CEP135: variants seen among roughly 807,000 people sequenced by gnomAD.
CEP135 encodes centrosomal protein of 135 kDa.
A neutral mutation model predicts 157.3 loss-of-function variants in CEP135; 142 were observed. The ratio of observed to expected loss-of-function variants is 0.90; its 90% confidence interval spans 0.79 to 1.04. CEP135 has a LOEUF of 1.04. CEP135 is among the 50% of genes least tolerant of loss of function. The pLI, the probability that CEP135 is intolerant of heterozygous loss-of-function variation, is 0.00. For synonymous variants in CEP135, 396 were observed against 439.8 expected, an observed-to-expected ratio of 0.90 and a Z score of 1.25; for missense variants, 1,317 against 1,309.2, an observed-to-expected ratio of 1.01 and a Z score of -0.09.
chr4:56,010,972 G>T (rs180691257), intron 19 of CEP135, among the ~76,000 whole-genome samples: 7 of 152,068 alleles, frequency 4.6e-5, no homozygotes, highest in African/African-American at 1.7e-4. Flanking sequence ...GGTAGCTCAC[G>T]CCTATAATCC....
intron 15 of CEP135, among the ~76,000 whole-genome samples, chr4:55,998,270 C>A (rs1730045166): frequency 6.6e-6 from 1 of 152,168 alleles, no homozygotes; most frequent in Non-Finnish European, 1.5e-5. Context: ...GTCTTTTCAG[C>A]AAGGCAGGAT....
At chr4:55,987,222 T>G (rs1486115045) in intron 14 of CEP135, among the ~76,000 whole-genome samples, 1 of 152,208 alleles carries the variant, frequency 6.6e-6, no homozygotes, top group East Asian at 1.9e-4. Context: ...GCACAGGAAC[T>G]TTTCCTGGCC....
chr4:55,983,292 T>A (rs1386083472), intron 13 of CEP135, among the ~76,000 whole-genome samples: 1 of 152,228 alleles, frequency 6.6e-6, no homozygotes, highest in Non-Finnish European at 1.5e-5. Flanking sequence ...TACTGAAAAC[T>A]TGGAAAAAGC....
At chr4:56,025,234 GC>G (rs1731117506) in intron 25 of CEP135, among the ~76,000 whole-genome samples, 1 of 152,146 alleles carries the variant, frequency 6.6e-6, no homozygotes, top group Non-Finnish European at 1.5e-5. Flanking sequence ...TCCCACCTCA[GC>G]CTCTTGAGTA....
At chr4:55,972,022 C>T (rs1033599985) in intron 10 of CEP135, among the ~76,000 whole-genome samples, 2 of 152,010 alleles carry the variant, frequency 1.3e-5, no homozygotes, top group Non-Finnish European at 2.9e-5. Flanking sequence ...TGGTGGCATG[C>T]GACTGTAATC....
rs892885030 is a variant in CEP135, at chr4:56,032,457, A to T, written c.*1109A>T. 6.6e-6 allele frequency: 1 copy of T among 152,048 alleles called. No individual in the cohort carries two copies. Among genetic ancestry groups the T allele is most frequent in the Non-Finnish European group, 1.5e-5 (1 of 68,014 alleles). The allele number at this position is 152,048 out of a possible 1,614,324, so 9.4% of individuals were successfully genotyped here. A position where few individuals can be genotyped will look rare whatever the true frequency, so the allele number is the denominator to read the frequency against. ...AACACTCTGTCTCAGAAAAAAAAAAAAAGAAAAATATATGGGGTAAATACA... is the reference window on the plus strand; with the variant it reads ...AACACTCTGTCTCAGAAAAAAAAAATAAGAAAAATATATGGGGTAAATACA... On this transcript the variant is annotated 3_prime_UTR_variant, in exon 26 of 26. Coordinates refer to ENST00000257287, the MANE Select transcript of CEP135 (RefSeq NM_025009.5).
Position 56,017,651 on chromosome 4 carries a change from A to C in CEP135, c.2806A>C (p.Ile936Leu). 1 of 1,591,230 alleles carries C rather than the reference A, an allele frequency of 6.3e-7. No individual in the cohort carries two copies. The highest frequency in any genetic ancestry group is 8.5e-7 in the Non-Finnish European group (1 of 1,170,230). ...TTGTTTCTTTTTCTTTTTTCAGCACATAAATGCCCATCATGCTTATGAATC... is the reference window on the plus strand; with the variant it reads ...TTGTTTCTTTTTCTTTTTTCAGCACCTAAATGCCCATCATGCTTATGAATC... ...ELLEKEIQEH[I>L]NAHHAYESQI... Residue 936 changes from isoleucine to leucine, a missense_variant, in exon 22 of 26, where the codon ATA (isoleucine) becomes CTA (leucine). Transcript: ENST00000257287.
At chr4:56,006,398 G>A (rs915989979) in intron 17 of CEP135, among the ~76,000 whole-genome samples, 1 of 152,108 alleles carries the variant, frequency 6.6e-6, no homozygotes, top group Admixed American at 6.5e-5. Context: ...CTCAGGAAAT[G>A]TATTTCTCAA....
At position 55,954,260 on chromosome 4, in the gene CEP135, C is replaced by A. The variant is rs1455228062; in HGVS notation, c.349C>A (p.Leu117Met). 2 of 1,604,998 alleles carry A rather than the reference C, an allele frequency of 1.2e-6. No homozygotes were observed. Among genetic ancestry groups the A allele is most frequent in the Non-Finnish European group, 8.5e-7 (1 of 1,176,200 alleles). Residue 117 changes from leucine to methionine, a missense_variant, in exon 4 of 26, where the codon CTG becomes ATG. Coordinates refer to ENST00000257287, the MANE Select transcript of CEP135 (RefSeq NM_025009.5). ...LKKCARETAD[L>M]KFLNNQYAHK... The stretch of plus-strand genomic sequence containing the variant: ...GAAATGTGCACGTGAAACAGCTGAT[C>A]TGAAATTTCTGAATAACCAATATGC...
intron 17 of CEP135, among the ~76,000 whole-genome samples, chr4:56,001,957 T>G (rs2109717374): frequency 6.6e-6 from 1 of 152,254 alleles, no homozygotes; most frequent in South Asian, 2.1e-4. Context: ...TGTATAGATC[T>G]TGCATATATT....
rs948509274 is a variant in CEP135 at position 56,032,807 on chromosome 4, T to G, written c.*1459T>G. On this transcript the variant is annotated 3_prime_UTR_variant, in exon 26 of 26. Transcript: ENST00000257287. The stretch of plus-strand genomic sequence containing the variant: ...ATAGGAAAGTGAATGATCAGTTACT[T>G]ATGATATATTTTGTTTCCTCTTGTG... 5 of 152,044 alleles carry G rather than the reference T, an allele frequency of 3.3e-5. No homozygotes were observed. Among genetic ancestry groups the G allele is most frequent in the Non-Finnish European group, 7.4e-5 (5 of 68,024 alleles). The allele number at this position is 152,044 out of a possible 1,614,324, so 9.4% of individuals were successfully genotyped here.
chr4:56,009,989 C>A (rs1730515200), intron 19 of CEP135, 86 bp downstream of exon 19: 1 of 1,287,108 alleles, frequency 7.8e-7, no homozygotes, highest in African/African-American at 1.5e-5. Context: ...TTTCTAAAAT[C>A]TGATGATATA....
chr4:56,024,207 C>G (rs753090634), intron 24 of CEP135, among the ~76,000 whole-genome samples: 1 of 147,386 alleles, frequency 6.8e-6, no homozygotes, highest in Non-Finnish European at 1.5e-5. Context: ...TTTTAAGTAG[C>G]GGATAAAAGA....
rs901148460 is a variant in CEP135, at chr4:55,957,449, G to A, written c.614+85G>A. 11 of 1,264,138 alleles carry A rather than the reference G, an allele frequency of 8.7e-6. No individual in the cohort carries two copies. In the African/African-American group the frequency reaches 1.5e-4, roughly 17 times the overall value. The allele number at this position is 1,264,138 out of a possible 1,614,324, so 78.3% of individuals were successfully genotyped here. A position where few individuals can be genotyped will look rare whatever the true frequency, so the allele number is the denominator to read the frequency against. Reference sequence around the variant, plus strand: ...TCTTGATAGGAGGGCTTTTTTTCTTGTTAACTGTTGTGTCTCCAGTGTCTA... The same window carrying A: ...TCTTGATAGGAGGGCTTTTTTTCTTATTAACTGTTGTGTCTCCAGTGTCTA... On this transcript the variant is annotated intron_variant, in intron 5 of 25. Coordinates refer to ENST00000257287, the MANE Select transcript of CEP135 (RefSeq NM_025009.5).
chr4:55,979,356 A>G (rs920915040), intron 11 of CEP135, among the ~76,000 whole-genome samples: 2 of 152,182 alleles, frequency 1.3e-5, no homozygotes, highest in Non-Finnish European at 2.9e-5. Flanking sequence ...TTTGAATTGT[A>G]CTAAATTGTA....
At chr4:56,030,648 T>C (rs928613567) in intron 25 of CEP135, among the ~76,000 whole-genome samples, 7 of 151,916 alleles carry the variant, frequency 4.6e-5, no homozygotes, top group South Asian at 2.1e-4. Context: ...AGATACTGGG[T>C]CTCACTATGT....
At position 55,957,231 on chromosome 4, in the gene CEP135, A is replaced by G. The variant is rs1421233879; in HGVS notation, c.481A>G (p.Lys161Glu). Reference protein sequence around the residue: ...HAVVQTPGGKKRSIAFRRQRM... With the variant: ...HAVVQTPGGKERSIAFRRQRM... ...ACACTCATTCTTTTTAGGTGGCAAG[A>G]AAAGAAGTATTGCTTTCAGGCGCCA... is the stretch of plus-strand genomic sequence containing the variant. The change falls in exon 5 of 26, where the codon AAA becomes GAA. Residue 161 changes from lysine to glutamate, a missense_variant. Physicochemically the swap from Lys to Glu is moderately conservative, Grantham distance 56. Transcript: ENST00000257287. 2 of 1,612,284 alleles carry G rather than the reference A, an allele frequency of 1.2e-6. No homozygotes were observed. Among genetic ancestry groups the G allele is most frequent in the Admixed American group, 1.7e-5 (1 of 59,492 alleles).
chr4:55,969,444 A>AAAAAG (rs1022760218), intron 9 of CEP135, among the ~76,000 whole-genome samples: 1 of 151,428 alleles, frequency 6.6e-6, no homozygotes, highest in East Asian at 1.9e-4. Context: ...AAAAAAAAAA[A>AAAAAG]AAAAGAAAAG....
chr4:55,994,065 ACCATGAGTTGAAACCATTGAAT>A (rs532047397), intron 15 of CEP135, among the ~76,000 whole-genome samples: 85 of 152,364 alleles, frequency 5.6e-4, no homozygotes, highest in African/African-American at 1.9e-3. Flanking sequence ...TATTGGTAGA[ACCATGAGTTGAAACCATTGAAT>A]CCAAGTCTAA....
Sources: gnomAD v4.1 joint callset for allele counts (sites outside exome capture counted in the v4.1 genomes callset) on GRCh38, gnomAD v4.1.1 for gene constraint, MANE v1.5 for transcripts, NCBI Gene and HGNC (gene_info 2026-07-23, HGNC 2026-07-21) for gene names.